The following TENM2 variants were observed in gnomAD, a reference collection of about 807,000 sequenced individuals.
TENM2 encodes teneurin-2.
TENM2 carries 52 observed loss-of-function variants against 245.2 expected under a neutral mutation model. The observed-to-expected ratio is 0.21, with a 90% confidence interval of 0.17 to 0.27. The LOEUF (loss-of-function observed/expected upper bound fraction) is 0.27. Among genes scored for constraint, TENM2 ranks in the 10% least tolerant of loss-of-function variants. TENM2 has a pLI of 1.00. For missense variants in TENM2, 3,046 were observed against 3,666.8 expected (o/e 0.83, Z 4.37); for synonymous variants, 1,363 against 1,438.9 (o/e 0.95, Z 1.19).
chr5:167,550,577 G>T (rs1364308944), intron 2 of TENM2, among the ~76,000 whole-genome samples: 1 of 152,094 alleles, frequency 6.6e-6, no homozygotes, highest in African/African-American at 2.4e-5. Flanking sequence ...TCTGTGGCCT[G>T]GCAGTATGTT....
intron 7 of TENM2, among the ~76,000 whole-genome samples, chr5:168,076,415 G>A (rs1400676383): frequency 5.9e-5 from 9 of 151,848 alleles, no homozygotes; most frequent in African/African-American, 1.4e-4. Context: ...TAGCAGAGAC[G>A]GGGTTTCACA....
At chr5:167,974,023 GGAA>G (rs1183776400) in intron 4 of TENM2, among the ~76,000 whole-genome samples, 5 of 70,366 alleles carry the variant, frequency 7.1e-5, no homozygotes, top group African/African-American at 3.8e-4. Flanking sequence ...GAGGGAGGGA[GGAA>G]GGAAGGAAGG....
intron 2 of TENM2, among the ~76,000 whole-genome samples, chr5:167,391,837 G>A (rs965519953): frequency 2.6e-5 from 4 of 152,008 alleles, no homozygotes; most frequent in Non-Finnish European, 5.9e-5. Context: ...ATCTGGACTG[G>A]AGATGTCAAT....
chr5:167,801,117 T>A (rs1397813497), intron 2 of TENM2, among the ~76,000 whole-genome samples: 2,011 of 47,300 alleles, frequency 0.043, 19 homozygotes, highest in Non-Finnish European at 0.051. Context: ...AAAATATATA[T>A]ATATATATAT....
At chr5:167,276,364 G>A in the TENM2 span, among the ~76,000 whole-genome samples, 731 of 146,864 alleles carry the variant, frequency 5.0e-3, 5 homozygotes, top group African/African-American at 0.016. Context: ...GTGTGTGTGT[G>A]TGTGTGTGTG....
chr5:167,801,260 A>G (rs540225782), intron 2 of TENM2, among the ~76,000 whole-genome samples: 2 of 150,964 alleles, frequency 1.3e-5, no homozygotes, highest in East Asian at 3.9e-4. Flanking sequence ...GGTATAATTT[A>G]TTTTTATTAC....
intron 12 of TENM2, among the ~76,000 whole-genome samples, chr5:168,128,303 G>A (rs148605562): frequency 6.6e-6 from 1 of 152,292 alleles, no homozygotes; most frequent in Non-Finnish European, 1.5e-5. Flanking sequence ...TTCAGGGGAC[G>A]GCTGTGCACA....
chr5:167,631,596 T>TA (rs1446476535), intron 2 of TENM2, among the ~76,000 whole-genome samples: 1 of 152,042 alleles, frequency 6.6e-6, no homozygotes. Flanking sequence ...GTGGAGTTCT[T>TA]AAAAGCACAG....
the TENM2 span, among the ~76,000 whole-genome samples, chr5:167,258,935 G>T: frequency 6.6e-6 from 1 of 152,118 alleles, no homozygotes; most frequent in Non-Finnish European, 1.5e-5. Context: ...AGCAACTTAA[G>T]GTTTATGTAT....
the TENM2 span, among the ~76,000 whole-genome samples, chr5:167,023,704 T>C: frequency 0.84 from 127,087 of 152,056 alleles, 53,543 homozygotes; most frequent in Admixed American, 0.9. Context: ...TTATGTACTC[T>C]CAAGCAAACA....
At chr5:167,419,216 C>G (rs1763347062) in intron 2 of TENM2, among the ~76,000 whole-genome samples, 1 of 151,934 alleles carries the variant, frequency 6.6e-6, no homozygotes, top group Non-Finnish European at 1.5e-5. Flanking sequence ...AATTCCAGCA[C>G]TTTGGGAGGC....
intron 2 of TENM2, among the ~76,000 whole-genome samples, chr5:167,782,813 C>T (rs1764288225): frequency 6.6e-6 from 1 of 152,116 alleles, no homozygotes; most frequent in South Asian, 2.1e-4. Flanking sequence ...AAGAAATGAA[C>T]ATTATGGGAA....
intron 2 of TENM2, among the ~76,000 whole-genome samples, chr5:167,512,104 G>C (rs1412327472): frequency 6.6e-6 from 1 of 152,104 alleles, no homozygotes; most frequent in Admixed American, 6.6e-5. Context: ...GAAAGCAGTT[G>C]AATATCAATA....
At chr5:167,716,632 G>T (rs971787233) in intron 2 of TENM2, among the ~76,000 whole-genome samples, 1 of 152,078 alleles carries the variant, frequency 6.6e-6, no homozygotes, top group Non-Finnish European at 1.5e-5. Flanking sequence ...AATAAAATGA[G>T]CTTTACAGCT....
the TENM2 span, among the ~76,000 whole-genome samples, chr5:167,212,496 G>A: frequency 1.2e-4 from 19 of 152,264 alleles, no homozygotes; most frequent in Admixed American, 4.6e-4. Context: ...TTAAAATGAG[G>A]TGTAGCATGA....
At chr5:167,950,144 AC>A (rs1779965608) in intron 3 of TENM2, among the ~76,000 whole-genome samples, 1 of 152,164 alleles carries the variant, frequency 6.6e-6, no homozygotes, top group African/African-American at 2.4e-5. Flanking sequence ...TGAAAAGAGA[AC>A]TTGACCTCTC....
chr5:166,983,673 C>G, the TENM2 span, among the ~76,000 whole-genome samples: 4 of 152,036 alleles, frequency 2.6e-5, no homozygotes, highest in African/African-American at 9.7e-5. Context: ...TGGTGTTGCT[C>G]TTGCCAGAAT....
intron 2 of TENM2, among the ~76,000 whole-genome samples, chr5:167,480,365 A>C (rs1767679302): frequency 6.6e-6 from 1 of 152,334 alleles, no homozygotes; most frequent in Non-Finnish European, 1.5e-5. Context: ...ATCAGGTACA[A>C]AATTATTTCT....
At chr5:167,460,127 G>A (rs1292763007) in intron 2 of TENM2, among the ~76,000 whole-genome samples, 1 of 152,006 alleles carries the variant, frequency 6.6e-6, no homozygotes, top group Non-Finnish European at 1.5e-5. Context: ...GAATACTGAG[G>A]TCCAGATAGG....
Sources: gnomAD v4.1 joint callset for allele counts (sites outside exome capture counted in the v4.1 genomes callset) on GRCh38, gnomAD v4.1.1 for gene constraint, MANE v1.5 for transcripts, NCBI Gene and HGNC (gene_info 2026-07-23, HGNC 2026-07-21) for gene names.